Variants in RPAP3 observed in about 807,000 individuals in gnomAD.
RPAP3 encodes the protein RNA polymerase II associated protein 3.
A neutral mutation model predicts 88.8 loss-of-function variants in RPAP3; 58 were observed. The ratio of observed to expected loss-of-function variants is 0.65; its 90% CI spans 0.53 to 0.81. The LOEUF is 0.81. Ranked by LOEUF, RPAP3 falls within the 40% of genes least tolerant of loss-of-function variation. The probability of loss-of-function intolerance (pLI) is 0.00; values close to 1 mark genes in which losing one functional copy is unlikely to be tolerated. For missense variants in RPAP3, 751 were observed against 764.3 expected (o/e 0.98, Z 0.20); for synonymous variants, 255 against 259.9 (o/e 0.98, Z 0.18).
chr12:47,687,919 T>C lies in RPAP3; in HGVS notation c.821A>G (p.Glu274Gly). 2 of 1,613,724 alleles carry C rather than the reference T, an allele frequency of 1.2e-6. No homozygotes were observed. The highest frequency in any genetic ancestry group is 2.2e-5 in the South Asian group (2 of 91,068). The change falls in exon 8 of 17, where the codon GAA becomes GGA. Residue 274 changes from glutamate (E) to glycine (G), a missense_variant. Transcript: ENST00000005386. ...KSTEGERKQI[E>G]AQQNKQQAIS... ...GGCCTGCTGCTTATTCTGTTGTGCT[T>C]CAATTTGCTTTCGCTCTCCTTCTGT...
In RPAP3 at chr12:47,678,970, T is replaced by A. The variant is rs931563992; in HGVS notation, c.1287+523A>T. ...CACACGTATGTTTACTGAGGCACTA[T>A]TCACAATAGCAAAGACTTGGAACCA... On this transcript the variant is annotated intron_variant, in intron 12 of 16. Coordinates refer to ENST00000005386, the MANE Select transcript of RPAP3 (RefSeq NM_024604.3). 9.2e-5 allele frequency among the ~76,000 whole-genome samples: 14 copies of A among 152,170 alleles called. 1 individual carries two copies. The highest frequency in any genetic ancestry group is 7.9e-4 in the Admixed American group (12 of 15,272).
At chr12:47,669,970 A>G in intron 13 of RPAP3, 137 bp downstream of exon 13, 3 of 604,714 alleles carry the variant, frequency 5.0e-6, no homozygotes, top group Non-Finnish European at 8.7e-6. Flanking sequence ...ACAAACAAAA[A>G]AGAAAAGCTA....
At position 47,693,503 on chromosome 12, in the gene RPAP3, C is replaced by T. The variant is rs561210349; in HGVS notation, c.545+2773G>A. Among the ~76,000 whole-genome samples the T allele has an allele frequency of 2.6e-5, 4 of 152,296 alleles. No homozygotes were observed. In the East Asian group the frequency reaches 7.7e-4, roughly 29 times the overall value. On this transcript the variant is annotated intron_variant, in intron 5 of 16. Coordinates refer to ENST00000005386, the MANE Select transcript of RPAP3 (RefSeq NM_024604.3). ...GCACCAATAGAGTTGCTTGACTTGC[C>T]TGATATAAGGTTGCCACAAACTTTC... is the stretch of plus-strand genomic sequence containing the variant.
intron 15 of RPAP3, 94 bp from the exon 16 acceptor site, chr12:47,667,174 T>A (rs1938892571): frequency 2.1e-6 from 1 of 467,908 alleles, no homozygotes; most frequent in Admixed American, 4.1e-5. Context: ...TAATTATACA[T>A]AAATGACATC....
At chr12:47,692,932 T>G (rs1565721428) in intron 5 of RPAP3, among the ~76,000 whole-genome samples, 1 of 152,142 alleles carries the variant, frequency 6.6e-6, no homozygotes, top group African/African-American at 2.4e-5. Flanking sequence ...CCGGCTGGAG[T>G]GCAGCGGCAT....
At chr12:47,667,879 C>G (rs1938914340) in intron 14 of RPAP3, 28 bp from the exon 15 acceptor site, 1 of 1,354,242 alleles carries the variant, frequency 7.4e-7, no homozygotes, top group Admixed American at 1.8e-5. Flanking sequence ...AAGACAATTA[C>G]TTGATGGCAA....
Position 47,663,476 on chromosome 12 carries a change from A to G in RPAP3, c.*29T>C, listed in dbSNP as rs776234585. The G allele has an allele frequency of 2.7e-6, 4 of 1,466,482 alleles. No individual in the cohort carries two copies. Among genetic ancestry groups the G allele is most frequent in the Non-Finnish European group, 3.8e-6 (4 of 1,066,080 alleles). 90.8% of individuals were successfully genotyped at this position (1,466,482 alleles called of 1,614,324 possible). A position where few individuals can be genotyped will look rare whatever the true frequency, so the allele number is the denominator to read the frequency against. The stretch of plus-strand genomic sequence containing the variant: ...TAGAAAAAATTTACATATGAAAGTC[A>G]AAAACAATTATTTCAGCAAAAATGG... On this transcript the variant is annotated 3_prime_UTR_variant, in exon 17 of 17. Coordinates refer to ENST00000005386, the MANE Select transcript of RPAP3 (RefSeq NM_024604.3).
chr12:47,698,193 T>C (rs746292198), intron 3 of RPAP3, among the ~76,000 whole-genome samples: 1 of 152,178 alleles, frequency 6.6e-6, no homozygotes, highest in South Asian at 2.1e-4. Flanking sequence ...CAATAACCTA[T>C]GAGGAAGGTA....
intron 12 of RPAP3, among the ~76,000 whole-genome samples, chr12:47,674,853 C>T (rs903509854): frequency 6.6e-6 from 1 of 152,122 alleles, no homozygotes; most frequent in African/African-American, 2.4e-5. Context: ...ACTTCCCCAA[C>T]CTAGCAAGGC....
At chr12:47,669,544 T>C (rs567677442) in intron 13 of RPAP3, among the ~76,000 whole-genome samples, 14 of 152,298 alleles carry the variant, frequency 9.2e-5, no homozygotes, top group Admixed American at 3.9e-4. Context: ...ACTACTAAAG[T>C]TCAAAGTTTA....
chr12:47,669,352 A>AC (rs1474698265), intron 13 of RPAP3, among the ~76,000 whole-genome samples: 1 of 152,082 alleles, frequency 6.6e-6, no homozygotes, highest in Non-Finnish European at 1.5e-5. Flanking sequence ...TAACCTATCC[A>AC]CCTTTTGAGT....
intron 6 of RPAP3, 28 bp from the exon 7 acceptor site, chr12:47,689,223 T>C (rs775714197): frequency 2.7e-5 from 26 of 968,888 alleles, no homozygotes. Context: ...TAAAAAAAAT[T>C]TTTAAAGATA....
At chr12:47,705,710 G>A (rs987738046) in intron 1 of RPAP3, among the ~76,000 whole-genome samples, 9 of 152,204 alleles carry the variant, frequency 5.9e-5, no homozygotes, top group African/African-American at 1.9e-4. Flanking sequence ...GCAGCAGGGT[G>A]GAGGGTCCGC....
At chr12:47,685,162 T>C (rs1404636685) in intron 9 of RPAP3, among the ~76,000 whole-genome samples, 1 of 152,152 alleles carries the variant, frequency 6.6e-6, no homozygotes, top group Non-Finnish European at 1.5e-5. Flanking sequence ...GCAGATCACC[T>C]GAGGTCAGGA....
chr12:47,677,613 G>C (rs995406485), intron 12 of RPAP3, among the ~76,000 whole-genome samples: 3 of 151,924 alleles, frequency 2.0e-5, no homozygotes, highest in African/African-American at 7.3e-5. Flanking sequence ...CAAGCAGAGA[G>C]ACAAATCATG....
At chr12:47,692,908 G>C (rs1015395358) in intron 5 of RPAP3, among the ~76,000 whole-genome samples, 2 of 152,092 alleles carry the variant, frequency 1.3e-5, no homozygotes, top group African/African-American at 4.8e-5. Flanking sequence ...GAGACAGAGC[G>C]TCACTCTCTC....
chr12:47,702,177 C>T (rs1939665927), intron 2 of RPAP3, among the ~76,000 whole-genome samples: 1 of 152,182 alleles, frequency 6.6e-6, no homozygotes, highest in African/African-American at 2.4e-5. Flanking sequence ...CCTTCAGTAA[C>T]TACTCACTAA....
chr12:47,687,032 A>G, intron 8 of RPAP3, 125 bp from the exon 9 acceptor site: 1 of 599,408 alleles, frequency 1.7e-6, no homozygotes, highest in South Asian at 3.1e-5. Flanking sequence ...TATTGTTAAA[A>G]ATCTGGCCCA....
Position 47,679,483 on chromosome 12 carries a change from C to CTT in RPAP3, c.1287+8_1287+9dup. The CTT allele has an allele frequency of 6.5e-7, 1 of 1,544,172 alleles. No homozygotes were observed. The highest frequency in any genetic ancestry group is 1.7e-5 in the Admixed American group (1 of 58,046). On this transcript the variant is annotated intron_variant, in intron 12 of 16. Coordinates refer to ENST00000005386, the MANE Select transcript of RPAP3 (RefSeq NM_024604.3). Reference sequence around the variant, plus strand: ...AAATGGCAAGGAAAAAATGAAAGTGCTTTACTTACAGTTGATCCAGGATGC... The same window carrying CTT: ...AAATGGCAAGGAAAAAATGAAAGTGCTTTTTACTTACAGTTGATCCAGGATGC...
Sources: allele counts gnomAD v4.1 joint callset (sites outside exome capture counted in the v4.1 genomes callset), GRCh38; gene constraint gnomAD v4.1.1; transcripts MANE v1.5; gene names NCBI Gene and HGNC (gene_info 2026-07-23, HGNC 2026-07-21).